Variants in PCSK6 observed in about 807,000 individuals in gnomAD.
PCSK6 encodes paired basic amino acid cleaving enzyme 4.
Under a neutral mutation model 123.3 loss-of-function variants are expected in PCSK6, and 85 were observed. The ratio of observed to expected loss-of-function variants is 0.69; its 90% CI spans 0.58 to 0.83. The LOEUF (loss-of-function observed/expected upper bound fraction) is 0.83. Ranked by LOEUF, PCSK6 falls within the 40% of genes least tolerant of loss-of-function variation. The pLI, the probability that PCSK6 is intolerant of heterozygous loss-of-function variation, is 0.00. For synonymous variants in PCSK6, 508 were observed against 516.0 expected (o/e 0.98, Z 0.21); for missense variants, 1,191 against 1,282.3 (o/e 0.93, Z 1.09).
chr15:101,311,337 G>A (rs2039858623), intron 20 of PCSK6, among the ~76,000 whole-genome samples: 1 of 148,772 alleles, frequency 6.7e-6, no homozygotes, highest in African/African-American at 2.5e-5. Flanking sequence ...ATGTTGGCCA[G>A]GCTGGTCTTG....
intron 6 of PCSK6, among the ~76,000 whole-genome samples, chr15:101,402,615 T>C (rs978238331): frequency 5.9e-5 from 9 of 152,156 alleles, no homozygotes; most frequent in African/African-American, 2.2e-4. Flanking sequence ...GCAAAGGATA[T>C]GAACAGACAC....
At chr15:101,438,490 A>G (rs2056665118) in intron 2 of PCSK6, among the ~76,000 whole-genome samples, 1 of 152,224 alleles carries the variant, frequency 6.6e-6, no homozygotes. Context: ...AGGGAGTAAA[A>G]GCAAATGATA....
chr15:101,336,976 C>T (rs887076325), intron 13 of PCSK6: 6 of 151,960 alleles, frequency 3.9e-5, no homozygotes, highest in Non-Finnish European at 7.3e-5. Context: ...TAGGTTTAGA[C>T]AATGGTAATC....
intron 6 of PCSK6, among the ~76,000 whole-genome samples, chr15:101,403,165 G>A (rs1052671204): frequency 8.7e-5 from 13 of 149,396 alleles, no homozygotes; most frequent in East Asian, 6.0e-4. Flanking sequence ...GTAAACTATC[G>A]CAAGGACAAA....
chr15:101,464,836 G>A (rs1023041360), intron 1 of PCSK6, among the ~76,000 whole-genome samples: 1 of 152,142 alleles, frequency 6.6e-6, no homozygotes, highest in South Asian at 2.1e-4. Flanking sequence ...GCTCTATCCC[G>A]CCGGTGACAA....
At chr15:101,477,706 C>CA (rs1296260030) in intron 1 of PCSK6, among the ~76,000 whole-genome samples, 7 of 152,212 alleles carry the variant, frequency 4.6e-5, no homozygotes, top group African/African-American at 1.7e-4. Flanking sequence ...ATAACCAGGC[C>CA]ATGCTACCCT....
chr15:101,472,500 T>G (rs1238327442), intron 1 of PCSK6, among the ~76,000 whole-genome samples: 1 of 152,220 alleles, frequency 6.6e-6, no homozygotes, highest in Non-Finnish European at 1.5e-5. Context: ...CAAACAAAAC[T>G]GACGCTGTGG....
chr15:101,393,567 A>G, intron 7 of PCSK6, 143 bp from the exon 8 acceptor site: 1 of 628,506 alleles, frequency 1.6e-6, no homozygotes, highest in Non-Finnish European at 2.7e-6. Flanking sequence ...TGCTGCTGAG[A>G]GCATGGTTTT....
intron 1 of PCSK6, among the ~76,000 whole-genome samples, chr15:101,473,943 G>A (rs2057666440): frequency 1.3e-5 from 2 of 152,178 alleles, no homozygotes; most frequent in South Asian, 4.1e-4. Context: ...GAGGGTCTTA[G>A]ATTATCAAAG....
At chr15:101,385,839 T>C (rs755709962) in intron 9 of PCSK6, among the ~76,000 whole-genome samples, 8 of 152,208 alleles carry the variant, frequency 5.3e-5, no homozygotes, top group Non-Finnish European at 1.2e-4. Context: ...AAAAGAAAGA[T>C]GTATGGGCTC....
intron 4 of PCSK6, among the ~76,000 whole-genome samples, chr15:101,430,918 C>A (rs1228239435): frequency 6.6e-6 from 1 of 152,200 alleles, no homozygotes; most frequent in Non-Finnish European, 1.5e-5. Flanking sequence ...AAGTAACTTA[C>A]TCAAGATCTC....
chr15:101,459,503 C>CATTCCCATCCTCCCACCCTAA, intron 1 of PCSK6, among the ~76,000 whole-genome samples: 2 of 144,668 alleles, frequency 1.4e-5, no homozygotes, highest in South Asian at 2.2e-4. Context: ...CCGCTGCCAC[C>CATTCCCATCCTCCCACCCTAA]GTTCCCGTCC....
At chr15:101,341,251 T>G (rs1240511110) in intron 13 of PCSK6, among the ~76,000 whole-genome samples, 1 of 148,088 alleles carries the variant, frequency 6.8e-6, no homozygotes, top group Non-Finnish European at 1.5e-5. Context: ...GTGTGGGGTT[T>G]TTTTTTTTTT....
chr15:101,306,948 A>G (rs1463838766), intron 21 of PCSK6, among the ~76,000 whole-genome samples: 4 of 152,190 alleles, frequency 2.6e-5, no homozygotes, highest in African/African-American at 9.7e-5. Flanking sequence ...GGACAAAATC[A>G]TTTTTAGGAG....
intron 1 of PCSK6, among the ~76,000 whole-genome samples, chr15:101,445,189 C>T (rs2056855922): frequency 6.6e-6 from 1 of 152,186 alleles, no homozygotes; most frequent in Non-Finnish European, 1.5e-5. Flanking sequence ...TGCTGGTGGT[C>T]CTGGGAGCTG....
At chr15:101,324,295 G>A (rs551551189) in intron 17 of PCSK6, among the ~76,000 whole-genome samples, 4 of 152,342 alleles carry the variant, frequency 2.6e-5, no homozygotes, top group Admixed American at 6.5e-5. Context: ...CATGTCTGGA[G>A]GTCTGCAAAC....
At chr15:101,381,529 T>C (rs182781393) in intron 11 of PCSK6, among the ~76,000 whole-genome samples, 37 of 152,320 alleles carry the variant, frequency 2.4e-4, no homozygotes, top group African/African-American at 8.7e-4. Context: ...AAGAAGGTTG[T>C]ACGGAGCCAG....
At chr15:101,443,000 C>T (rs1232695160) in intron 2 of PCSK6, among the ~76,000 whole-genome samples, 1 of 152,212 alleles carries the variant, frequency 6.6e-6, no homozygotes, top group Non-Finnish European at 1.5e-5. Context: ...AATCTTGACA[C>T]ATAACTGTTG....
chr15:101,368,510 A>T (rs962514779), intron 12 of PCSK6, among the ~76,000 whole-genome samples: 6 of 152,316 alleles, frequency 3.9e-5, no homozygotes, highest in Admixed American at 3.9e-4. Flanking sequence ...GGAGTGGAAG[A>T]GCAGGGTGTG....
Sources: gnomAD v4.1 joint callset for allele counts (sites outside exome capture counted in the v4.1 genomes callset) on GRCh38, gnomAD v4.1.1 for gene constraint, MANE v1.5 for transcripts, NCBI Gene and HGNC (gene_info 2026-07-23, HGNC 2026-07-21) for gene names.